ABCA4: variants seen among roughly 807,000 people sequenced by gnomAD.
ABCA4 encodes the protein ATP binding cassette subfamily A member 4, also known as retinal-specific phospholipid-transporting ATPase ABCA4.
Under a neutral mutation model 263.7 loss-of-function variants are expected in ABCA4, and 196 were observed. The ratio of observed to expected loss-of-function variants is 0.74; its 90% CI spans 0.66 to 0.84. The LOEUF is 0.84. Ranked by LOEUF, ABCA4 falls within the 40% of genes least tolerant of loss-of-function variation. The probability of loss-of-function intolerance (pLI) is 0.00; values close to 1 mark genes in which losing one functional copy is unlikely to be tolerated. For missense variants in ABCA4, 2,792 were observed against 2,855.1 expected (o/e 0.98, Z 0.50); for synonymous variants, 1,133 against 1,094.2 (o/e 1.04, Z -0.70).
chr1:94,086,360 G>T (rs1470223434), intron 6 of ABCA4, among the ~76,000 whole-genome samples: 1 of 152,090 alleles, frequency 6.6e-6, no homozygotes, highest in Non-Finnish European at 1.5e-5. Flanking sequence ...TTTTTTAAAA[G>T]GGTAAATAAA....
intron 11 of ABCA4, among the ~76,000 whole-genome samples, chr1:94,069,497 C>T (rs1476825742): frequency 6.6e-6 from 1 of 152,160 alleles, no homozygotes; most frequent in Non-Finnish European, 1.5e-5. Context: ...AATCCCGCCT[C>T]TCACATCTGT....
rs1659885961 is a variant in ABCA4, at chr1:94,021,229, T to C, written c.5018+11A>G. Reference sequence around the variant, plus strand: ...CAAGAAAGTGGTGAGGCTGGGGCTGTGGTGGCTTACACTGTAATCTCTGAG... The same window carrying C: ...CAAGAAAGTGGTGAGGCTGGGGCTGCGGTGGCTTACACTGTAATCTCTGAG... On this transcript the variant is annotated intron_variant, in intron 35 of 49. Transcript: ENST00000370225. The C allele has an allele frequency of 6.2e-7, 1 of 1,614,144 alleles. No homozygotes were observed. The highest frequency in any genetic ancestry group is 8.5e-7 in the Non-Finnish European group (1 of 1,180,016).
chr1:94,009,347 C>T (rs898239913), intron 40 of ABCA4, among the ~76,000 whole-genome samples: 1 of 152,202 alleles, frequency 6.6e-6, no homozygotes, highest in Non-Finnish European at 1.5e-5. Flanking sequence ...GCCCTGCCAA[C>T]TCCACCTTTC....
chr1:94,108,703 A>C lies in ABCA4; in HGVS notation c.316T>G (p.Tyr106Asp). ...ATGAGGAGTTCTTGAAAATCTCGAT[A>C]TACCCTTGCCAAGCTGTAAGGACAA... is the stretch of plus-strand genomic sequence containing the variant. ...NYNNSILARV[Y>D]RDFQELLMNA... Residue 106 changes from tyrosine (Y) to aspartate (D), a missense_variant, in exon 4 of 50, where the codon TAT (tyrosine) becomes GAT (aspartate). Coordinates refer to ENST00000370225, the MANE Select transcript of ABCA4 (RefSeq NM_000350.3). The C allele has an allele frequency of 3.1e-6, 5 of 1,614,010 alleles. No homozygotes were observed. Among genetic ancestry groups the C allele is most frequent in the Non-Finnish European group, 4.2e-6 (5 of 1,180,020 alleles).
chr1:93,996,036 A>T (rs1571238833), intron 49 of ABCA4, 73 bp downstream of exon 49: 1 of 1,419,598 alleles, frequency 7.0e-7, no homozygotes, highest in East Asian at 2.3e-5. Context: ...GAGCAACTCA[A>T]GCCCAGTGAA....
chr1:94,055,338 C>G, intron 15 of ABCA4, 23 bp from the exon 16 acceptor site: 2 of 1,611,906 alleles, frequency 1.2e-6, no homozygotes, highest in Non-Finnish European at 1.7e-6. Context: ...GGAGAGGGCA[C>G]AGAAAAAGAG....
intron 18 of ABCA4, 73 bp from the exon 19 acceptor site, chr1:94,047,166 C>A: frequency 6.5e-7 from 1 of 1,550,288 alleles, no homozygotes; most frequent in Non-Finnish European, 8.9e-7. Context: ...TGTCTCCAGG[C>A]CCTTGTATTC....
intron 3 of ABCA4, 113 bp from the exon 4 acceptor site, chr1:94,108,829 G>A: frequency 7.6e-7 from 1 of 1,323,520 alleles, no homozygotes; most frequent in Non-Finnish European, 1.0e-6. Context: ...CTGGAGTGCA[G>A]TGGCGTGATC....
intron 36 of ABCA4, among the ~76,000 whole-genome samples, chr1:94,017,322 T>G (rs1659770169): frequency 6.6e-6 from 1 of 152,136 alleles, no homozygotes; most frequent in African/African-American, 2.4e-5. Flanking sequence ...TAGGATGCAG[T>G]GAGAACACAG....
chr1:94,029,157 G>A (rs1343970831), intron 30 of ABCA4, among the ~76,000 whole-genome samples: 2 of 151,950 alleles, frequency 1.3e-5, no homozygotes, highest in African/African-American at 4.8e-5. Flanking sequence ...TTTCTATAAT[G>A]AGCACATATG....
At chr1:93,996,495 C>T (rs1184089177) in intron 48 of ABCA4, among the ~76,000 whole-genome samples, 3 of 152,118 alleles carry the variant, frequency 2.0e-5, no homozygotes, top group African/African-American at 7.2e-5. Context: ...CAGCTAGCAG[C>T]ATCCTAATAA....
intron 6 of ABCA4, among the ~76,000 whole-genome samples, chr1:94,096,006 G>C (rs1192993184): frequency 1.3e-5 from 2 of 152,184 alleles, no homozygotes; most frequent in Admixed American, 6.5e-5. Context: ...GCTTTGTTAA[G>C]AGAACAGGAG....
At chr1:94,051,836 C>T in intron 16 of ABCA4, 138 bp from the exon 17 acceptor site, 1 of 716,008 alleles carries the variant, frequency 1.4e-6, no homozygotes, top group Non-Finnish European at 2.5e-6. Flanking sequence ...TATTACATGG[C>T]TATTCTCAGG....
intron 11 of ABCA4, among the ~76,000 whole-genome samples, chr1:94,069,077 A>ATCTG (rs2101087803): frequency 6.6e-6 from 1 of 152,344 alleles, no homozygotes; most frequent in South Asian, 2.1e-4. Context: ...CAGGAAGCAG[A>ATCTG]GTTCACCCTG....
At chr1:93,998,649 C>T (rs1198707517) in intron 47 of ABCA4, among the ~76,000 whole-genome samples, 1 of 152,052 alleles carries the variant, frequency 6.6e-6, no homozygotes, top group Non-Finnish European at 1.5e-5. Context: ...GATCAAATGT[C>T]TGCATGGTAA....
chr1:94,113,730 C>T (rs1033553967), intron 1 of ABCA4, among the ~76,000 whole-genome samples: 37 of 152,280 alleles, frequency 2.4e-4, no homozygotes, highest in African/African-American at 8.9e-4. Context: ...AACATGCTTC[C>T]TTCAAGTTTC....
chr1:94,070,732 G>T (rs1251146306), intron 11 of ABCA4, among the ~76,000 whole-genome samples: 1 of 152,222 alleles, frequency 6.6e-6, no homozygotes, highest in Non-Finnish European at 1.5e-5. Context: ...GTGGGTGTGG[G>T]TGTTGACCTG....
intron 6 of ABCA4, among the ~76,000 whole-genome samples, chr1:94,095,869 C>T (rs1340722297): frequency 1.3e-5 from 2 of 151,708 alleles, no homozygotes; most frequent in African/African-American, 2.4e-5. Flanking sequence ...CTTTCTCCAC[C>T]GAGACGGAAG....
Position 94,019,609 on chromosome 1 carries a change from G to A in ABCA4, c.5169C>T (p.Tyr1723=), listed in dbSNP as rs1437993640. The change falls in exon 36 of 50, where the codon TAC becomes TAT. Residue 1723 remains tyrosine (Y), a synonymous_variant. Coordinates refer to ENST00000370225, the MANE Select transcript of ABCA4 (RefSeq NM_000350.3). ...QFISGVSPTT[Y]WVTNFLWDIM... ...TGTCCCAGAGGAAGTTGGTCACCCAGTAGGTGGTGGGGCTCACTCCACTGA... is the reference window on the plus strand; with the variant it reads ...TGTCCCAGAGGAAGTTGGTCACCCAATAGGTGGTGGGGCTCACTCCACTGA... 6.2e-7 allele frequency: 1 copy of A among 1,610,080 alleles called. No homozygotes were observed. Among genetic ancestry groups the A allele is most frequent in the South Asian group, 1.1e-5 (1 of 90,152 alleles).
Sources: gnomAD v4.1 joint callset for allele counts (sites outside exome capture counted in the v4.1 genomes callset) on GRCh38, gnomAD v4.1.1 for gene constraint, MANE v1.5 for transcripts, NCBI Gene and HGNC (gene_info 2026-07-23, HGNC 2026-07-21) for gene names.